The following CAB39L variants were observed in gnomAD, a reference collection of about 807,000 sequenced individuals.
CAB39L encodes the protein calcium binding protein 39 like.
In CAB39L, 23 loss-of-function variants were observed where a neutral mutation model predicts 39.1. The ratio of observed to expected loss-of-function variants is 0.59; its 90% CI spans 0.42 to 0.83. The LOEUF is 0.83. Ranked by LOEUF, CAB39L falls within the 40% of genes least tolerant of loss-of-function variation. The probability of loss-of-function intolerance (pLI) is 0.00; values close to 1 mark genes in which losing one functional copy is unlikely to be tolerated. For synonymous variants in CAB39L, 126 were observed against 137.2 expected, an observed-to-expected ratio of 0.92 and a Z score of 0.57; for missense variants, 366 against 391.9, an observed-to-expected ratio of 0.93 and a Z score of 0.56.
chr13:49,335,001 G>A (rs1954812112), intron 9 of CAB39L, among the ~76,000 whole-genome samples: 1 of 152,068 alleles, frequency 6.6e-6, no homozygotes. Flanking sequence ...TTGGAAAAGG[G>A]CACCTAGGTT....
At chr13:49,325,681 C>T (rs9596082) in intron 10 of CAB39L, among the ~76,000 whole-genome samples, 91,830 of 151,988 alleles carry the variant, frequency 0.6, 29,001 homozygotes, top group South Asian at 0.78. Flanking sequence ...ACCAGCTACT[C>T]GGGAGGCTGA....
intron 3 of CAB39L, among the ~76,000 whole-genome samples, chr13:49,385,690 T>G (rs1566108032): frequency 6.6e-6 from 1 of 152,166 alleles, no homozygotes; most frequent in Non-Finnish European, 1.5e-5. Context: ...ATTTCAGTAT[T>G]GTTGTATCTT....
At chr13:49,317,579 T>G (rs1247448197) in intron 10 of CAB39L, among the ~76,000 whole-genome samples, 1 of 152,054 alleles carries the variant, frequency 6.6e-6, no homozygotes, top group African/African-American at 2.4e-5. Context: ...CATTTGGATA[T>G]TCACATGCAA....
chr13:49,313,783 G>T (rs982417494), intron 10 of CAB39L, among the ~76,000 whole-genome samples: 1 of 152,242 alleles, frequency 6.6e-6, no homozygotes, highest in Middle Eastern at 3.4e-3. Flanking sequence ...CACCCCCTCT[G>T]CCCACCCATC....
chr13:49,342,424 G>T (rs939005072), intron 8 of CAB39L, among the ~76,000 whole-genome samples: 164 of 151,574 alleles, frequency 1.1e-3, no homozygotes, highest in African/African-American at 3.7e-3. Flanking sequence ...ATTGTTTTTT[G>T]CTTTTAATAG....
At position 49,421,997 on chromosome 13, in the gene CAB39L, TG is replaced by T. The variant is rs1460217141; in HGVS notation, c.-32+11320del. Among the ~76,000 whole-genome samples, 23 of 152,180 alleles carry T rather than the reference TG, an allele frequency of 1.5e-4. 1 individual carries two copies. Among genetic ancestry groups the T allele is most frequent in the Middle Eastern group, 6.8e-3 (2 of 294 alleles). Reference sequence around the variant, plus strand: ...ACAAAGAGATATACCATTTGTTTGATGGGGGCGGGGAGAGAGGGATAACTTA... The same window carrying T: ...ACAAAGAGATATACCATTTGTTTGATGGGGCGGGGAGAGAGGGATAACTTA... On this transcript the variant is annotated intron_variant, in intron 3 of 10. Transcript: ENST00000409308.
chr13:49,385,907 A>G (rs1956347549), intron 3 of CAB39L, among the ~76,000 whole-genome samples: 1 of 151,174 alleles, frequency 6.6e-6, no homozygotes, highest in South Asian at 2.1e-4. Flanking sequence ...AGAATTAACA[A>G]AATGTATCAA....
At chr13:49,429,375 G>A (rs1957286722) in intron 3 of CAB39L, among the ~76,000 whole-genome samples, 1 of 152,176 alleles carries the variant, frequency 6.6e-6, no homozygotes, top group Non-Finnish European at 1.5e-5. Context: ...TTACAGGCAT[G>A]AGTCACTGCA....
intron 5 of CAB39L, 122 bp downstream of exon 5, chr13:49,376,845 A>T (rs1017564452): frequency 2.6e-6 from 2 of 767,852 alleles, no homozygotes; most frequent in African/African-American, 1.8e-5. Flanking sequence ...AAAAAACTTT[A>T]AAAAATAACA....
chr13:49,349,431 C>T (rs913771395), intron 7 of CAB39L, among the ~76,000 whole-genome samples: 1 of 147,902 alleles, frequency 6.8e-6, no homozygotes, highest in African/African-American at 2.5e-5. Context: ...TGCTAAAATG[C>T]TTTTGAAGAA....
intron 9 of CAB39L, among the ~76,000 whole-genome samples, chr13:49,336,346 A>T (rs984506212): frequency 6.6e-6 from 1 of 152,016 alleles, no homozygotes; most frequent in Non-Finnish European, 1.5e-5. Flanking sequence ...TTTGTCAGGC[A>T]TTTTTTTCCA....
At chr13:49,424,230 T>C (rs747021009) in intron 3 of CAB39L, among the ~76,000 whole-genome samples, 1 of 152,188 alleles carries the variant, frequency 6.6e-6, no homozygotes, top group Non-Finnish European at 1.5e-5. Context: ...ACCCTAGTGA[T>C]CAAGGTCAAC....
At chr13:49,415,547 A>T (rs1204565928) in intron 3 of CAB39L, among the ~76,000 whole-genome samples, 2 of 152,088 alleles carry the variant, frequency 1.3e-5, no homozygotes, top group East Asian at 1.9e-4. Context: ...AAATTAAAAT[A>T]AAATTAAAAA....
chr13:49,314,020 G>A (rs907858247), intron 10 of CAB39L, among the ~76,000 whole-genome samples: 1 of 152,188 alleles, frequency 6.6e-6, no homozygotes, highest in Non-Finnish European at 1.5e-5. Flanking sequence ...TCCGGGTTTG[G>A]AACAGGAAGG....
intron 10 of CAB39L, among the ~76,000 whole-genome samples, chr13:49,313,263 C>T (rs1159505051): frequency 1.3e-5 from 2 of 152,036 alleles, no homozygotes; most frequent in African/African-American, 4.8e-5. Context: ...GGGCGGATCA[C>T]GAAGTCAGGA....
chr13:49,405,772 A>G (rs1476019170), intron 3 of CAB39L, among the ~76,000 whole-genome samples: 8 of 99,202 alleles, frequency 8.1e-5, no homozygotes, highest in African/African-American at 3.0e-4. Flanking sequence ...GGAGGGACAG[A>G]GGGAGGGAGG....
At chr13:49,373,112 T>C (rs1955964073) in intron 5 of CAB39L, among the ~76,000 whole-genome samples, 1 of 152,244 alleles carries the variant, frequency 6.6e-6, no homozygotes, top group Non-Finnish European at 1.5e-5. Context: ...CCTGATCATC[T>C]TTCTCCATGA....
intron 3 of CAB39L, among the ~76,000 whole-genome samples, chr13:49,402,881 TAG>T (rs1015645155): frequency 2.6e-5 from 4 of 152,166 alleles, no homozygotes; most frequent in Non-Finnish European, 5.9e-5. Context: ...TTATAATTTT[TAG>T]AGTTTTATTT....
chr13:49,430,961 T>C (rs1278927938), intron 3 of CAB39L, among the ~76,000 whole-genome samples: 1 of 152,226 alleles, frequency 6.6e-6, no homozygotes, highest in African/African-American at 2.4e-5. Context: ...TCAAGACATG[T>C]TCCTCTATTC....
Sources: gnomAD v4.1 joint callset for allele counts (sites outside exome capture counted in the v4.1 genomes callset) on GRCh38, gnomAD v4.1.1 for gene constraint, MANE v1.5 for transcripts, NCBI Gene and HGNC (gene_info 2026-07-23, HGNC 2026-07-21) for gene names.